CFAP210: variants seen among roughly 807,000 people sequenced by gnomAD.
The protein encoded by CFAP210 is cilia- and flagella- associated protein 210.
the CFAP210 span, among the ~76,000 whole-genome samples, chr2:169,651,063 C>T: frequency 6.6e-6 from 1 of 151,524 alleles, no homozygotes; most frequent in Admixed American, 6.6e-5. Context: ...CCTGTCTCCA[C>T]TAAAAATACA....
the CFAP210 span, among the ~76,000 whole-genome samples, chr2:169,679,452 G>T: frequency 0.24 from 36,670 of 151,974 alleles, 4,629 homozygotes; most frequent in Non-Finnish European, 0.27. Flanking sequence ...GCCGAGGCAG[G>T]TGGATCACGA....
At chr2:169,679,702 A>C in the CFAP210 span, among the ~76,000 whole-genome samples, 12 of 149,698 alleles carry the variant, frequency 8.0e-5, no homozygotes, top group Admixed American at 1.3e-4. Flanking sequence ...AAAAAAAAAA[A>C]AGGTGCCAGT....
the CFAP210 span, among the ~76,000 whole-genome samples, chr2:169,668,175 G>A: frequency 6.6e-6 from 1 of 152,178 alleles, no homozygotes; most frequent in East Asian, 1.9e-4. Context: ...TTTATGTTAT[G>A]GAGGCAGCTT....
chr2:169,673,009 G>A, the CFAP210 span, among the ~76,000 whole-genome samples: 62,009 of 152,028 alleles, frequency 0.41, 12,931 homozygotes, highest in Non-Finnish European at 0.44. Flanking sequence ...AAATAGAACA[G>A]TTGAGAGTAC....
the CFAP210 span, chr2:169,694,399 G>T: frequency 3.0e-4 from 440 of 1,449,346 alleles, no homozygotes; most frequent in Non-Finnish European, 4.1e-4. Flanking sequence ...GTTGTTACTC[G>T]TACCACGCGG....
the CFAP210 span, among the ~76,000 whole-genome samples, chr2:169,666,129 C>A: frequency 6.6e-6 from 1 of 152,096 alleles, no homozygotes; most frequent in East Asian, 1.9e-4. Context: ...CATCATCCTC[C>A]TCTTCTAAAC....
At chr2:169,645,997 A>C in the CFAP210 span, 1 of 1,613,984 alleles carries the variant, frequency 6.2e-7, no homozygotes, top group Non-Finnish European at 8.5e-7. Flanking sequence ...GGCCACCTCC[A>C]GGTCCTTCCT....
chr2:169,653,827 C>A, the CFAP210 span, among the ~76,000 whole-genome samples: 1 of 152,196 alleles, frequency 6.6e-6, no homozygotes, highest in Non-Finnish European at 1.5e-5. Flanking sequence ...ACAACTCCAA[C>A]TACCACTTAT....
At chr2:169,691,995 G>C in the CFAP210 span, among the ~76,000 whole-genome samples, 1 of 152,102 alleles carries the variant, frequency 6.6e-6, no homozygotes, top group Admixed American at 6.5e-5. Context: ...TTCAATGCTC[G>C]GGCAGGCAAT....
chr2:169,674,634 CTTG>C, the CFAP210 span: 3 of 1,605,808 alleles, frequency 1.9e-6, no homozygotes, highest in African/African-American at 4.0e-5. Context: ...TCTGCTTTTT[CTTG>C]TTCTTCTTTA....
chr2:169,671,028 G>T, the CFAP210 span, among the ~76,000 whole-genome samples: 1 of 152,242 alleles, frequency 6.6e-6, no homozygotes, highest in South Asian at 2.1e-4. Context: ...CCATTTCTTT[G>T]TGATTAAAAT....
chr2:169,652,256 C>G, the CFAP210 span, among the ~76,000 whole-genome samples: 7 of 151,612 alleles, frequency 4.6e-5, no homozygotes, highest in Non-Finnish European at 8.8e-5. Flanking sequence ...TTATAGAAGA[C>G]AAAAGATAAT....
At chr2:169,671,480 C>G in the CFAP210 span, among the ~76,000 whole-genome samples, 8 of 152,128 alleles carry the variant, frequency 5.3e-5, no homozygotes, top group Admixed American at 6.6e-5. Flanking sequence ...TTCTGAACTT[C>G]TTTTTGAGAT....
the CFAP210 span, chr2:169,645,631 A>G: frequency 3.9e-6 from 2 of 516,126 alleles, no homozygotes; most frequent in African/African-American, 1.9e-5. Context: ...TGTACATTTA[A>G]AAAGTAAACT....
At chr2:169,649,068 C>T in the CFAP210 span, 1 of 842,896 alleles carries the variant, frequency 1.2e-6, no homozygotes, top group Non-Finnish European at 1.8e-6. Context: ...GTGTCATAAC[C>T]ATAATGACCA....
the CFAP210 span, among the ~76,000 whole-genome samples, chr2:169,689,148 C>A: frequency 6.6e-6 from 1 of 152,106 alleles, no homozygotes; most frequent in Non-Finnish European, 1.5e-5. Context: ...AAAGACTGGC[C>A]CCCATGATTC....
At chr2:169,674,525 C>T in the CFAP210 span, 2 of 1,397,528 alleles carry the variant, frequency 1.4e-6, no homozygotes, top group Non-Finnish European at 1.9e-6. Flanking sequence ...AAAGCTACAT[C>T]CATTATGAGA....
chr2:169,688,172 G>A, the CFAP210 span, among the ~76,000 whole-genome samples: 2 of 152,338 alleles, frequency 1.3e-5, no homozygotes, highest in Non-Finnish European at 2.9e-5. Flanking sequence ...TGTGACAGGA[G>A]GGGCTGCTGT....
At chr2:169,686,425 C>T in the CFAP210 span, among the ~76,000 whole-genome samples, 1 of 152,090 alleles carries the variant, frequency 6.6e-6, no homozygotes. Flanking sequence ...TTTTCTGTTG[C>T]TATAACAGAA....
Sources: allele counts gnomAD v4.1 joint callset (sites outside exome capture counted in the v4.1 genomes callset), GRCh38; gene constraint gnomAD v4.1.1; transcripts MANE v1.5; gene names NCBI Gene and HGNC (gene_info 2026-07-23, HGNC 2026-07-21).